The following SPAM1 variants were observed in gnomAD, a reference collection of about 807,000 sequenced individuals.
The protein encoded by SPAM1 is hyaluronidase PH-20.
Under a neutral mutation model 29.6 loss-of-function variants are expected in SPAM1, and 22 were observed. The observed-to-expected ratio is 0.74, with a 90% CI of 0.53 to 1.06. The LOEUF (loss-of-function observed/expected upper bound fraction) is 1.06. Among genes scored for constraint, SPAM1 ranks in the 50% least tolerant of loss-of-function variants. The pLI, the probability that SPAM1 is intolerant of heterozygous loss-of-function variation, is 0.00. For missense variants in SPAM1, 534 were observed against 604.0 expected, an observed-to-expected ratio of 0.88 and a Z score of 1.21; for synonymous variants, 194 against 204.6, an observed-to-expected ratio of 0.95 and a Z score of 0.44.
rs374597785 is a variant in SPAM1 at position 123,967,587 on chromosome 7, C to T, written c.1486-2611C>T. Among the ~76,000 whole-genome samples, 12 of 151,024 alleles carry T rather than the reference C, an allele frequency of 7.9e-5. No homozygotes were observed. The East Asian group carries it at 1.6e-3, about 20-fold the overall frequency. Reference sequence around the variant, plus strand: ...TTTGTGAAACAGCATGGTGTATGTGCGTGTGTGTGTGCATGTGTGCACATG... The same window carrying T: ...TTTGTGAAACAGCATGGTGTATGTGTGTGTGTGTGTGCATGTGTGCACATG... On this transcript the variant is annotated intron_variant, in intron 5 of 6. Transcript: ENST00000340011.
chr7:123,949,060 A>G (rs1320007002), intron 1 of SPAM1, among the ~76,000 whole-genome samples: 1 of 151,574 alleles, frequency 6.6e-6, no homozygotes, highest in East Asian at 1.9e-4. Context: ...TATACCTTAA[A>G]TATACTCAGT....
chr7:123,961,032 T>C (rs927307256), downstream of SPAM1, among the ~76,000 whole-genome samples: 6 of 151,944 alleles, frequency 3.9e-5, no homozygotes, highest in Admixed American at 6.6e-5. Context: ...TTTTTTATTT[T>C]TTTCTCTTTT....
intron 4 of SPAM1, among the ~76,000 whole-genome samples, chr7:123,957,495 G>A (rs1358523185): frequency 1.3e-5 from 2 of 151,950 alleles, no homozygotes; most frequent in East Asian, 3.9e-4. Flanking sequence ...AGAAGAAGTT[G>A]AATTTCATTC....
chr7:123,929,985 A>T (rs1808020048), intron 1 of SPAM1, among the ~76,000 whole-genome samples: 1 of 149,250 alleles, frequency 6.7e-6, no homozygotes, highest in Non-Finnish European at 1.5e-5. Context: ...CAGGGAGAGA[A>T]ACGTAAGTCA....
chr7:123,969,527 C>T (rs1049571242), intron 5 of SPAM1, among the ~76,000 whole-genome samples: 1 of 152,030 alleles, frequency 6.6e-6, no homozygotes, highest in Non-Finnish European at 1.5e-5. Flanking sequence ...TCTCCCAGCA[C>T]CATTTATTGA....
At chr7:123,947,578 CCACACACA>C (rs3993662) in intron 1 of SPAM1, 2,280 of 147,606 alleles carry the variant, frequency 0.015, 40 homozygotes, top group African/African-American at 0.041. Context: ...GATTAAAACA[CCACACACA>C]CACACACACA....
intron 5 of SPAM1, among the ~76,000 whole-genome samples, chr7:123,967,160 G>T (rs1204553488): frequency 6.6e-6 from 1 of 151,934 alleles, no homozygotes; most frequent in Non-Finnish European, 1.5e-5. Flanking sequence ...AGTCCCCTGT[G>T]CTTCTTCAAC....
At position 123,966,838 on chromosome 7, in the gene SPAM1, GC is replaced by G. The variant is rs765290088; in HGVS notation, c.1486-3359del. 1.2e-4 allele frequency among the ~76,000 whole-genome samples: 19 copies of G among 152,068 alleles called. No individual in the cohort carries two copies. In the East Asian group the frequency reaches 3.5e-3, roughly 28 times the overall value. On this transcript the variant is annotated intron_variant, in intron 5 of 6. Coordinates refer to the SPAM1 transcript ENST00000340011. Reference sequence around the variant, plus strand: ...CCCAGGTGATGGATTGATCTGTGCAGCAAACAACCATGGCACACATCTACCT... The same window carrying G: ...CCCAGGTGATGGATTGATCTGTGCAGAAACAACCATGGCACACATCTACCT...
At chr7:123,962,705 A>C (rs563893320), downstream of SPAM1, among the ~76,000 whole-genome samples, 19 of 151,994 alleles carry the variant, frequency 1.3e-4, no homozygotes, top group East Asian at 3.5e-3. Flanking sequence ...TATTCTATAA[A>C]GTCATTGCTG....
At chr7:123,959,075 A>G (rs991396246) in intron 4 of SPAM1, among the ~76,000 whole-genome samples, 1 of 152,054 alleles carries the variant, frequency 6.6e-6, no homozygotes, top group African/African-American at 2.4e-5. Flanking sequence ...ATAGGAAACT[A>G]AGACTTAGAA....
chr7:123,947,315 G>T (rs1051000786), intron 1 of SPAM1, among the ~76,000 whole-genome samples: 1 of 152,050 alleles, frequency 6.6e-6, no homozygotes, highest in Non-Finnish European at 1.5e-5. Context: ...TTGGGAGGTC[G>T]ACGTGGCGAG....
intron 6 of SPAM1, among the ~76,000 whole-genome samples, chr7:123,970,611 T>TA (rs1554432387): frequency 2.9e-5 from 3 of 102,118 alleles, no homozygotes; most frequent in East Asian, 2.1e-4. Context: ...TAATAATAAT[T>TA]ATTATTATTA....
At chr7:123,956,135 T>C (rs1256626766) in intron 4 of SPAM1, among the ~76,000 whole-genome samples, 1 of 152,016 alleles carries the variant, frequency 6.6e-6, no homozygotes, top group African/African-American at 2.4e-5. Flanking sequence ...TGCTTGTTTT[T>C]TAATGGCACT....
chr7:123,927,373 A>G (rs1277376078), intron 1 of SPAM1, among the ~76,000 whole-genome samples: 3 of 152,206 alleles, frequency 2.0e-5, no homozygotes, highest in African/African-American at 7.2e-5. Context: ...GCAGGAGTTC[A>G]ATGGCTCCAA....
Position 123,954,198 on chromosome 7 carries a change from C to A in SPAM1, c.628C>A (p.Leu210Ile), listed in dbSNP as rs376151172. ...AGAGACTATAAAATTGGGAAAATTA[C>A]TTCGGCCAAATCACTTGTGGGGTTA... ...LVETIKLGKL[L>I]RPNHLWGYYL... Residue 210 changes from leucine to isoleucine, a missense_variant, in exon 3 of 5, where the codon CTT becomes ATT. Coordinates refer to ENST00000682466, the MANE Select transcript of SPAM1 (RefSeq NM_153189.3). The A allele has an allele frequency of 1.3e-4, 205 of 1,613,412 alleles. No homozygotes were observed. Among genetic ancestry groups the A allele is most frequent in the Non-Finnish European group, 1.6e-4 (194 of 1,179,724 alleles).
intron 5 of SPAM1, among the ~76,000 whole-genome samples, chr7:123,966,507 C>T (rs969766097): frequency 5.3e-5 from 8 of 151,772 alleles, no homozygotes; most frequent in African/African-American, 9.7e-5. Flanking sequence ...ATAGCAAAGA[C>T]GTAATCAACC....
chr7:123,930,030 A>G (rs1340083397), intron 1 of SPAM1, among the ~76,000 whole-genome samples: 2 of 151,682 alleles, frequency 1.3e-5, no homozygotes, highest in Non-Finnish European at 2.9e-5. Flanking sequence ...CTGGAAGGTC[A>G]GGGATAGTTT....
At chr7:123,955,219 C>A (rs1056699064) in intron 4 of SPAM1, 133 bp downstream of exon 4, 7 of 589,548 alleles carry the variant, frequency 1.2e-5, no homozygotes, top group South Asian at 4.1e-5. Context: ...TTAATACTGG[C>A]TGAATCAAAA....
rs771392653 is a variant in SPAM1 at position 123,954,408 on chromosome 7, A to T, written c.838A>T (p.Asn280Tyr). 9 of 1,613,350 alleles carry T rather than the reference A, an allele frequency of 5.6e-6. No individual in the cohort carries two copies. In the African/African-American group the frequency reaches 9.3e-5, roughly 17 times the overall value. ...TGTAGCTGCTACACTCTATGTGCGC[A>T]ATCGAGTTCGGGAAGCCATCAGAGT... ...SPVAATLYVRNRVREAIRVSK... is the reference protein window; with the variant it reads ...SPVAATLYVRYRVREAIRVSK... Residue 280 changes from asparagine (N) to tyrosine (Y), a missense_variant, in exon 3 of 5, where the codon AAT (asparagine) becomes TAT (tyrosine). By Grantham distance (143) the Asn-to-Tyr change is moderately radical. Transcript: ENST00000682466.
Sources: gnomAD v4.1 joint callset for allele counts (sites outside exome capture counted in the v4.1 genomes callset) on GRCh38, gnomAD v4.1.1 for gene constraint, MANE v1.5 for transcripts, NCBI Gene and HGNC (gene_info 2026-07-23, HGNC 2026-07-21) for gene names.